Variants in FTO observed in about 807,000 individuals in gnomAD.
The protein encoded by FTO is FTO alpha-ketoglutarate dependent dioxygenase.
FTO carries 47 observed loss-of-function variants against 63.9 expected under a neutral mutation model. That is an observed-to-expected ratio of 0.74 (90% CI 0.58 to 0.94). The LOEUF is 0.94. Among genes scored for constraint, FTO ranks in the 40% least tolerant of loss-of-function variants. The pLI is 0.00. For missense variants in FTO, 562 were observed against 618.1 expected (o/e 0.91, Z 0.96); for synonymous variants, 207 against 224.4 (o/e 0.92, Z 0.69).
chr16:54,075,142 G>A (rs2144482508), intron 8 of FTO, among the ~76,000 whole-genome samples: 1 of 152,116 alleles, frequency 6.6e-6, no homozygotes, highest in Non-Finnish European at 1.5e-5. Flanking sequence ...TTTTCTAATT[G>A]ATTCAAATAT....
chr16:53,915,552 A>G (rs1180031353), intron 7 of FTO, among the ~76,000 whole-genome samples: 1 of 152,182 alleles, frequency 6.6e-6, no homozygotes, highest in Non-Finnish European at 1.5e-5. Flanking sequence ...GTTAACCAAA[A>G]CTAAAGGGGC....
intron 8 of FTO, among the ~76,000 whole-genome samples, chr16:54,047,303 A>G (rs2085192235): frequency 9.4e-5 from 1 of 10,694 alleles, no homozygotes; most frequent in Non-Finnish European, 2.3e-4. Context: ...TGGGCAAAGG[A>G]CATGAACAGA....
intron 8 of FTO, among the ~76,000 whole-genome samples, chr16:53,966,770 T>C (rs530799104): frequency 1.9e-4 from 29 of 152,212 alleles, no homozygotes; most frequent in Non-Finnish European, 3.4e-4. Flanking sequence ...GAAAGAAACT[T>C]AATTTTATGC....
chr16:54,027,400 T>C (rs1460445205), intron 8 of FTO, among the ~76,000 whole-genome samples: 1 of 152,168 alleles, frequency 6.6e-6, no homozygotes, highest in Admixed American at 6.5e-5. Flanking sequence ...AGCTGTGTAC[T>C]AAACTAAAAC....
chr16:53,879,195 T>A (rs2080753654), intron 5 of FTO, among the ~76,000 whole-genome samples: 1 of 152,212 alleles, frequency 6.6e-6, no homozygotes, highest in Non-Finnish European at 1.5e-5. Context: ...GACTCAGTTC[T>A]AGATGTTGTA....
intron 1 of FTO, among the ~76,000 whole-genome samples, chr16:53,752,875 C>G (rs1274907471): frequency 6.6e-6 from 1 of 150,544 alleles, no homozygotes; most frequent in Non-Finnish European, 1.5e-5. Context: ...CCCATTCCCC[C>G]TAAGGTATAA....
At chr16:53,903,507 C>T (rs1598951040) in intron 7 of FTO, among the ~76,000 whole-genome samples, 2 of 152,296 alleles carry the variant, frequency 1.3e-5, no homozygotes, top group East Asian at 3.9e-4. Flanking sequence ...GATCTGGCCG[C>T]CTCAGCCTCC....
At chr16:53,761,897 A>T (rs899349638) in intron 1 of FTO, among the ~76,000 whole-genome samples, 4 of 152,150 alleles carry the variant, frequency 2.6e-5, no homozygotes, top group African/African-American at 9.7e-5. Flanking sequence ...TTATTTTTAT[A>T]TGTGTTATAT....
chr16:53,939,888 C>G (rs1039761229), intron 8 of FTO, among the ~76,000 whole-genome samples: 1 of 152,112 alleles, frequency 6.6e-6, no homozygotes, highest in Non-Finnish European at 1.5e-5. Context: ...GGTTGTTGGA[C>G]AGTAATAAAT....
At chr16:53,811,717 G>C (rs1038065720) in intron 2 of FTO, among the ~76,000 whole-genome samples, 2 of 152,106 alleles carry the variant, frequency 1.3e-5, no homozygotes, top group Non-Finnish European at 2.9e-5. Flanking sequence ...ATCCACACTG[G>C]ATTTTTGCAG....
At chr16:53,745,019 G>A (rs902947409) in intron 1 of FTO, among the ~76,000 whole-genome samples, 7 of 152,098 alleles carry the variant, frequency 4.6e-5, no homozygotes, top group Non-Finnish European at 1.0e-4. Context: ...TACTTGTTTT[G>A]CCAGATTGGT....
chr16:53,708,005 G>C (rs1379479888), intron 1 of FTO, among the ~76,000 whole-genome samples: 1 of 152,176 alleles, frequency 6.6e-6, no homozygotes, highest in African/African-American at 2.4e-5. Flanking sequence ...TGTTTTTGAG[G>C]TTCATCCATG....
chr16:53,823,251 C>G (rs1345642051), intron 2 of FTO, among the ~76,000 whole-genome samples: 1 of 152,176 alleles, frequency 6.6e-6, no homozygotes, highest in African/African-American at 2.4e-5. Flanking sequence ...GAGTACCCCG[C>G]CCTTCTAGAA....
intron 8 of FTO, among the ~76,000 whole-genome samples, chr16:53,942,320 G>C (rs949074110): frequency 6.6e-6 from 1 of 152,196 alleles, no homozygotes; most frequent in Non-Finnish European, 1.5e-5. Context: ...GGGATGCCAT[G>C]TGCACAGGCT....
chr16:53,819,220 A>C (rs924573789), intron 2 of FTO, among the ~76,000 whole-genome samples: 21 of 152,236 alleles, frequency 1.4e-4, no homozygotes, highest in African/African-American at 5.1e-4. Flanking sequence ...ATGGGGTCTC[A>C]CTCTGTGGCC....
intron 1 of FTO, among the ~76,000 whole-genome samples, chr16:53,794,302 A>T (rs1461758990): frequency 6.6e-6 from 1 of 152,222 alleles, no homozygotes; most frequent in Non-Finnish European, 1.5e-5. Flanking sequence ...CTCTAAATTC[A>T]TAGGAATGGC....
chr16:53,838,994 A>G (rs1310435424), intron 3 of FTO, among the ~76,000 whole-genome samples: 2 of 152,172 alleles, frequency 1.3e-5, no homozygotes, highest in Non-Finnish European at 2.9e-5. Context: ...TGTAATCTCT[A>G]CTGTCATACT....
At chr16:54,073,808 A>G (rs140923449) in intron 8 of FTO, among the ~76,000 whole-genome samples, 104 of 152,306 alleles carry the variant, frequency 6.8e-4, no homozygotes, top group African/African-American at 2.4e-3. Flanking sequence ...TTTTCATTCT[A>G]TAGATTTAAA....
chr16:53,735,000 G>A (rs546751298), intron 1 of FTO, among the ~76,000 whole-genome samples: 12 of 152,340 alleles, frequency 7.9e-5, no homozygotes, highest in Admixed American at 2.6e-4. Flanking sequence ...CGATTCCTAC[G>A]CTTGGCTTAG....
Sources: allele counts gnomAD v4.1 joint callset (sites outside exome capture counted in the v4.1 genomes callset), GRCh38; gene constraint gnomAD v4.1.1; transcripts MANE v1.5; gene names NCBI Gene and HGNC (gene_info 2026-07-23, HGNC 2026-07-21).